NTM: variants seen among roughly 807,000 people sequenced by gnomAD.
NTM encodes IgLON family member 2.
A neutral mutation model predicts 42.1 loss-of-function variants in NTM; 13 were observed. That is an observed-to-expected ratio of 0.31 (90% confidence interval 0.20 to 0.49). NTM has a LOEUF of 0.49. NTM is among the 20% of genes least tolerant of loss of function. NTM has a pLI of 0.99. For missense variants in NTM, 373 were observed against 452.8 expected, an observed-to-expected ratio of 0.82 and a Z score of 1.60; for synonymous variants, 187 against 179.2, an observed-to-expected ratio of 1.04 and a Z score of -0.35.
chr11:131,411,328 T>G (rs1026020644), intron 1 of NTM, among the ~76,000 whole-genome samples: 1 of 152,212 alleles, frequency 6.6e-6, no homozygotes, highest in African/African-American at 2.4e-5. Flanking sequence ...CCCTTCTTTC[T>G]AGCACAATGC....
chr11:131,488,896 A>G (rs1226792679), intron 1 of NTM, among the ~76,000 whole-genome samples: 1 of 152,236 alleles, frequency 6.6e-6, no homozygotes, highest in Non-Finnish European at 1.5e-5. Flanking sequence ...GGATATTTGC[A>G]ATAAACACTG....
intron 6 of NTM, among the ~76,000 whole-genome samples, chr11:132,314,125 C>CTTCTCTCAGAAGTTTGAGTTTTTCAT (rs1565456067): frequency 1.3e-5 from 2 of 149,334 alleles, no homozygotes. Context: ...TCAGGTGGCT[C>CTTCTCTCAGAAGTTTGAGTTTTTCAT]TTCTCTCAGA....
intron 2 of NTM, among the ~76,000 whole-genome samples, chr11:131,974,383 G>T (rs2064005103): frequency 6.6e-6 from 1 of 152,158 alleles, no homozygotes; most frequent in South Asian, 2.1e-4. Flanking sequence ...TAAGATAGGA[G>T]TCCTTTTGCA....
At chr11:132,196,810 C>T (rs1308127502) in intron 3 of NTM, among the ~76,000 whole-genome samples, 2 of 152,086 alleles carry the variant, frequency 1.3e-5, no homozygotes, top group Admixed American at 1.3e-4. Context: ...GGGTGAAAAA[C>T]TACCTATTGG....
chr11:132,089,439 T>G (rs2060132235), intron 2 of NTM, among the ~76,000 whole-genome samples: 1 of 152,228 alleles, frequency 6.6e-6, no homozygotes, highest in African/African-American at 2.4e-5. Context: ...TGGCACCCAT[T>G]GAGGGGAAAG....
At chr11:131,653,404 C>A (rs980478146) in intron 1 of NTM, among the ~76,000 whole-genome samples, 4 of 152,230 alleles carry the variant, frequency 2.6e-5, no homozygotes, top group African/African-American at 9.6e-5. Context: ...TCAGGCCTCG[C>A]TGCCTGCAGC....
At chr11:132,201,554 G>A (rs1381605351) in intron 3 of NTM, among the ~76,000 whole-genome samples, 2 of 152,216 alleles carry the variant, frequency 1.3e-5, no homozygotes, top group Non-Finnish European at 2.9e-5. Context: ...GAAGAAATTA[G>A]AAACAGTGAT....
chr11:132,304,825 T>C (rs955577690), intron 4 of NTM, among the ~76,000 whole-genome samples: 15 of 152,110 alleles, frequency 9.9e-5, no homozygotes, highest in Non-Finnish European at 2.1e-4. Context: ...AGCAATGAAG[T>C]CATTGTGATT....
intron 1 of NTM, among the ~76,000 whole-genome samples, chr11:131,500,534 T>A: frequency 7.1e-6 from 1 of 139,948 alleles, no homozygotes; most frequent in Non-Finnish European, 1.5e-5. Flanking sequence ...GACCCTATAG[T>A]TATTTATTAT....
chr11:132,209,440 C>A (rs1251314503), intron 3 of NTM, among the ~76,000 whole-genome samples: 1 of 152,228 alleles, frequency 6.6e-6, no homozygotes, highest in African/African-American at 2.4e-5. Context: ...TGCAGAGACA[C>A]ACACGCTGCC....
chr11:131,541,788 T>A (rs1029259029), intron 1 of NTM, among the ~76,000 whole-genome samples: 8 of 152,250 alleles, frequency 5.3e-5, no homozygotes, highest in Non-Finnish European at 1.5e-5. Context: ...CTGAATTAGA[T>A]AACATATTTA....
intron 1 of NTM, among the ~76,000 whole-genome samples, chr11:131,699,909 G>GGTGTGTGTGT (rs10577927): frequency 3.7e-4 from 48 of 130,556 alleles, no homozygotes; most frequent in African/African-American, 1.0e-3. Context: ...CAAAGCAGCA[G>GGTGTGTGTGT]GTGTGTGTGT....
chr11:131,931,489 G>GTA (rs2088378708), intron 2 of NTM, among the ~76,000 whole-genome samples: 1 of 151,524 alleles, frequency 6.6e-6, no homozygotes, highest in African/African-American at 2.4e-5. Flanking sequence ...GTGTGTGTGT[G>GTA]TGTGTGTGTG....
chr11:131,859,143 C>G (rs749049506), intron 1 of NTM, among the ~76,000 whole-genome samples: 80 of 152,168 alleles, frequency 5.3e-4, no homozygotes, highest in Non-Finnish European at 9.7e-4. Context: ...TCCATTCATC[C>G]GAGAGACACA....
intron 1 of NTM, among the ~76,000 whole-genome samples, chr11:131,414,426 G>A (rs981176898): frequency 1.1e-4 from 17 of 152,324 alleles, no homozygotes; most frequent in African/African-American, 4.1e-4. Flanking sequence ...GCCAGTGCTA[G>A]AGGTTGGACC....
At chr11:131,408,714 C>G (rs1426872925) in intron 1 of NTM, among the ~76,000 whole-genome samples, 1 of 152,188 alleles carries the variant, frequency 6.6e-6, no homozygotes, top group East Asian at 1.9e-4. Flanking sequence ...GATTCTAACT[C>G]AAGCCCAAGT....
intron 4 of NTM, among the ~76,000 whole-genome samples, chr11:132,256,371 G>A (rs542675317): frequency 2.6e-5 from 4 of 152,334 alleles, no homozygotes; most frequent in South Asian, 2.1e-4. Context: ...CATCACTGGG[G>A]CAGCATGCCA....
intron 1 of NTM, among the ~76,000 whole-genome samples, chr11:131,583,363 TA>T (rs1442352354): frequency 6.6e-6 from 1 of 152,174 alleles, no homozygotes; most frequent in Non-Finnish European, 1.5e-5. Flanking sequence ...TTGTGGCAAA[TA>T]GATATTAAAA....
chr11:131,620,671 C>T (rs2062432379), intron 1 of NTM, among the ~76,000 whole-genome samples: 1 of 152,324 alleles, frequency 6.6e-6, no homozygotes, highest in South Asian at 2.1e-4. Context: ...GGGCTGCTCG[C>T]TGACTTCACT....
Sources: gnomAD v4.1 joint callset for allele counts (sites outside exome capture counted in the v4.1 genomes callset) on GRCh38, gnomAD v4.1.1 for gene constraint, MANE v1.5 for transcripts, NCBI Gene and HGNC (gene_info 2026-07-23, HGNC 2026-07-21) for gene names.